Variants in CDH19 observed in about 807,000 individuals in gnomAD.
CDH19 encodes cadherin-19.
In CDH19, 67 loss-of-function variants were observed where a neutral mutation model predicts 64.2. The ratio of observed to expected loss-of-function variants is 1.04; its 90% confidence interval spans 0.86 to 1.28. The LOEUF is 1.28. CDH19 is among the 50% of genes most tolerant of loss of function. The pLI, the probability that CDH19 is intolerant of heterozygous loss-of-function variation, is 0.00. For synonymous variants in CDH19, 346 were observed against 319.3 expected, an observed-to-expected ratio of 1.08 and a Z score of -0.89; for missense variants, 1,030 against 929.0, an observed-to-expected ratio of 1.11 and a Z score of -1.41.
At chr18:66,592,317 G>A (rs1038993960) in intron 1 of CDH19, among the ~76,000 whole-genome samples, 21 of 151,804 alleles carry the variant, frequency 1.4e-4, no homozygotes, top group African/African-American at 4.8e-4. Flanking sequence ...TATTCAATGT[G>A]TGATGATAAA....
In CDH19 at chr18:66,507,786, A is replaced by T. The variant is rs545203200; in HGVS notation, c.1828+1209T>A. On this transcript the variant is annotated intron_variant, in intron 11 of 11. Coordinates refer to ENST00000262150, the MANE Select transcript of CDH19 (RefSeq NM_021153.4). ...CACAAAAGACTTTTGGATTATTTTT[A>T]GTTTTAATTGACAAAAACATATACA... 1.1e-4 allele frequency among the ~76,000 whole-genome samples: 16 copies of T among 152,024 alleles called. No homozygotes were observed. The East Asian group carries it at 3.1e-3, about 29-fold the overall frequency.
intron 8 of CDH19, among the ~76,000 whole-genome samples, chr18:66,530,774 G>A (rs564995695): frequency 2.0e-5 from 3 of 152,220 alleles, no homozygotes; most frequent in Admixed American, 2.0e-4. Context: ...ATAATTCTTA[G>A]TTTTGGGAGA....
intron 1 of CDH19, among the ~76,000 whole-genome samples, chr18:66,593,513 T>C (rs920930906): frequency 1.3e-5 from 2 of 151,994 alleles, no homozygotes; most frequent in Non-Finnish European, 2.9e-5. Flanking sequence ...GAGACTTGCA[T>C]AGTAGAAAAA....
At chr18:66,542,008 A>AT (rs1259500948) in intron 7 of CDH19, among the ~76,000 whole-genome samples, 5 of 152,136 alleles carry the variant, frequency 3.3e-5, no homozygotes, top group African/African-American at 1.2e-4. Context: ...ATGAATTATA[A>AT]TTTACTCACT....
Position 66,544,752 on chromosome 18 carries a change from A to T in CDH19, c.927T>A (p.His309Gln), listed in dbSNP as rs971481540. Residue 309 changes from histidine to glutamine, a missense_variant, in exon 6 of 12, where the codon CAT becomes CAA. His to Gln is a conservative substitution (Grantham distance 24). Transcript: ENST00000262150. ...ATATAACTATTCCTTCTTGAGTTTC[A>T]TGATTAGTAATAATGTCAAATGTTT... ...DSQTFDIITN[H>Q]ETQEGIVILK... 7 of 1,609,756 alleles carry T rather than the reference A, an allele frequency of 4.3e-6. No individual in the cohort carries two copies. The Admixed American group carries it at 6.7e-5, about 15-fold the overall frequency.
At chr18:66,514,823 A>C (rs963545005) in intron 9 of CDH19, among the ~76,000 whole-genome samples, 46 of 151,608 alleles carry the variant, frequency 3.0e-4, no homozygotes, top group African/African-American at 1.1e-3. Flanking sequence ...CAATACTCAC[A>C]TTCTTCAAAC....
rs528569 is a variant in CDH19 at position 66,521,334 on chromosome 18, T to C, written c.1458+8511A>G. Reference sequence around the variant, plus strand: ...TACAGAGTGCTTGGAAATTTCTTCATTGGCAAAGTCACCCACGGTATTTAC... The same window carrying C: ...TACAGAGTGCTTGGAAATTTCTTCACTGGCAAAGTCACCCACGGTATTTAC... On this transcript the variant is annotated intron_variant, in intron 9 of 11. Coordinates refer to ENST00000262150, the MANE Select transcript of CDH19 (RefSeq NM_021153.4). Among the ~76,000 whole-genome samples, 441 of 152,230 alleles carry C rather than the reference T, an allele frequency of 2.9e-3. 1 individual carries two copies. Among genetic ancestry groups the C allele is most frequent in the Middle Eastern group, 0.01 (3 of 294 alleles).
chr18:66,521,302 T>C lies in CDH19; in HGVS notation c.1458+8543A>G, dbSNP rs186099679. Among the ~76,000 whole-genome samples, 224 of 152,256 alleles carry C rather than the reference T, an allele frequency of 1.5e-3. 1 individual carries two copies. In the Middle Eastern group the frequency reaches 0.02, roughly 14 times the overall value. ...TTCAGAATGATAAATATGTCACCTGTAATGGATACAGAGTGCTTGGAAATT... is the reference window on the plus strand; with the variant it reads ...TTCAGAATGATAAATATGTCACCTGCAATGGATACAGAGTGCTTGGAAATT... On this transcript the variant is annotated intron_variant, in intron 9 of 11. Coordinates refer to ENST00000262150, the MANE Select transcript of CDH19 (RefSeq NM_021153.4).
At chr18:66,529,284 T>A (rs115089384) in intron 9 of CDH19, among the ~76,000 whole-genome samples, 1 of 151,588 alleles carries the variant, frequency 6.6e-6, no homozygotes, top group East Asian at 1.9e-4. Flanking sequence ...TTTCCCTCCA[T>A]ATGTTTATGT....
chr18:66,501,801 G>C lies in CDH19; in HGVS notation c.*3011C>G, dbSNP rs1984954691. The C allele has an allele frequency of 6.6e-6, 1 of 152,060 alleles. No individual in the cohort carries two copies. The highest frequency in any genetic ancestry group is 2.4e-5 in the African/African-American group (1 of 41,426). 9.4% of individuals were successfully genotyped at this position (152,060 alleles called of 1,614,324 possible). On this transcript the variant is annotated 3_prime_UTR_variant, in exon 12 of 12. Coordinates refer to ENST00000262150, the MANE Select transcript of CDH19 (RefSeq NM_021153.4). Reference sequence around the variant, plus strand: ...GACGTCATTTTACAAAGTGAGATCTGGAAAGATTAAGCAGTTTAACAAATA... The same window carrying C: ...GACGTCATTTTACAAAGTGAGATCTCGAAAGATTAAGCAGTTTAACAAATA...
chr18:66,549,564 A>G (rs1030711332), intron 5 of CDH19, among the ~76,000 whole-genome samples: 3 of 151,914 alleles, frequency 2.0e-5, no homozygotes, highest in Non-Finnish European at 4.4e-5. Context: ...GAAGGTGCAG[A>G]CTCTGACCCC....
At chr18:66,514,414 T>C (rs748245171) in intron 9 of CDH19, among the ~76,000 whole-genome samples, 27 of 151,500 alleles carry the variant, frequency 1.8e-4, no homozygotes, top group Non-Finnish European at 3.0e-4. Flanking sequence ...AAATAATGTG[T>C]TTTGATATGG....
At chr18:66,584,116 T>C (rs1568209972) in intron 1 of CDH19, among the ~76,000 whole-genome samples, 1 of 152,112 alleles carries the variant, frequency 6.6e-6, no homozygotes, top group African/African-American at 2.4e-5. Flanking sequence ...GACAAAGGTC[T>C]GATATCCAGC....
chr18:66,582,522 A>T (rs1988452712), intron 1 of CDH19, among the ~76,000 whole-genome samples: 1 of 151,598 alleles, frequency 6.6e-6, no homozygotes, highest in East Asian at 1.9e-4. Flanking sequence ...AATTTTAATA[A>T]CCCATGTGTC....
chr18:66,509,871 A>G (rs1985387530), intron 10 of CDH19, among the ~76,000 whole-genome samples: 3 of 151,896 alleles, frequency 2.0e-5, no homozygotes, highest in African/African-American at 7.2e-5. Flanking sequence ...AGTATATTTC[A>G]TATCACATTG....
intron 9 of CDH19, among the ~76,000 whole-genome samples, chr18:66,519,119 G>A (rs1343698541): frequency 6.6e-6 from 1 of 152,048 alleles, no homozygotes; most frequent in Non-Finnish European, 1.5e-5. Flanking sequence ...TCTGATGAAC[G>A]ACATTATTAA....
At position 66,504,387 on chromosome 18, in the gene CDH19, A is replaced by G. The variant is rs1230127217; in HGVS notation, c.*425T>C. The G allele has an allele frequency of 6.6e-6, 1 of 151,386 alleles. No homozygotes were observed. The highest frequency in any genetic ancestry group is 1.5e-5 in the Non-Finnish European group (1 of 68,756). The allele number at this position is 151,386 out of a possible 1,614,324, so 9.4% of individuals were successfully genotyped here. Reference sequence around the variant, plus strand: ...CTATACATTTTCAATTTTCATGTCAATATGATAGAAATGTAAATGTTATCT... The same window carrying G: ...CTATACATTTTCAATTTTCATGTCAGTATGATAGAAATGTAAATGTTATCT... On this transcript the variant is annotated 3_prime_UTR_variant, in exon 12 of 12. Transcript: ENST00000262150.
intron 1 of CDH19, among the ~76,000 whole-genome samples, chr18:66,586,343 G>A (rs779618027): frequency 1.3e-5 from 2 of 151,924 alleles, no homozygotes; most frequent in African/African-American, 4.8e-5. Context: ...AAGAATAAGA[G>A]TTTCTCTTCA....
In CDH19 at chr18:66,505,048, A is replaced by C. The variant is rs1261196694; in HGVS notation, c.2083T>G (p.Phe695Val). Residue 695 changes from phenylalanine to valine, a missense_variant, in exon 12 of 12, where the codon TTC becomes GTC. Transcript: ENST00000262150. ...SLQVGPDSAI[F>V]RKFILEKLEE... ...AGCTTTTCCAGAATGAATTTCCTGA[A>C]TATGGCACTGTCGGGGCCAACTTGC... 1.9e-6 allele frequency: 3 copies of C among 1,613,704 alleles called. No homozygotes were observed. Among genetic ancestry groups the C allele is most frequent in the Admixed American group, 1.7e-5 (1 of 59,942 alleles).
Sources: allele counts gnomAD v4.1 joint callset (sites outside exome capture counted in the v4.1 genomes callset), GRCh38; gene constraint gnomAD v4.1.1; transcripts MANE v1.5; gene names NCBI Gene and HGNC (gene_info 2026-07-23, HGNC 2026-07-21).